CSGALNACT1: variants seen among roughly 807,000 people sequenced by gnomAD.
CSGALNACT1 encodes the protein beta4GalNAcT-1.
Under a neutral mutation model 51.0 loss-of-function variants are expected in CSGALNACT1, and 52 were observed. The observed-to-expected ratio is 1.02, with a 90% CI of 0.82 to 1.29. The LOEUF (loss-of-function observed/expected upper bound fraction) is 1.29, where lower values mean the gene tolerates loss of function less well. Among genes scored for constraint, CSGALNACT1 ranks in the 50% most tolerant of loss-of-function variants. CSGALNACT1 has a pLI of 0.00. For synonymous variants in CSGALNACT1, 341 were observed against 254.4 expected, an observed-to-expected ratio of 1.34 and a Z score of -3.24; for missense variants, 935 against 679.2, an observed-to-expected ratio of 1.38 and a Z score of -4.19.
intron 1 of CSGALNACT1, among the ~76,000 whole-genome samples, chr8:19,679,907 C>A (rs1316976083): frequency 6.6e-6 from 1 of 152,148 alleles, no homozygotes; most frequent in African/African-American, 2.4e-5. Flanking sequence ...AATTCATAGA[C>A]CTTCTGAGCT....
chr8:19,459,370 G>A lies in CSGALNACT1; in HGVS notation c.635-728C>T, dbSNP rs528528155. Among the ~76,000 whole-genome samples the A allele has an allele frequency of 1.2e-4, 14 of 113,040 alleles. No homozygotes were observed. In the East Asian group the frequency reaches 3.4e-3, roughly 28 times the overall value. The allele number at this position is 113,040 out of a possible 152,430, so 74.2% of individuals were successfully genotyped here. ...TTCACTCCAGTATGGGCAACAGAGC[G>A]AAACTTTATCTCAAAAAAAAAAAAA... is the stretch of plus-strand genomic sequence containing the variant. On this transcript the variant is annotated intron_variant, in intron 4 of 9. Coordinates refer to ENST00000454498, the Ensembl canonical transcript of CSGALNACT1.
intron 8 of CSGALNACT1, among the ~76,000 whole-genome samples, chr8:19,415,495 T>G (rs186369747): frequency 6.6e-6 from 1 of 152,328 alleles, no homozygotes; most frequent in East Asian, 1.9e-4. Flanking sequence ...TCACAGCCTG[T>G]GGCAACAATG....
rs1256070787 is a variant in CSGALNACT1 at position 19,533,143 on chromosome 8, G to T, written c.-296-27013C>A. ...TTTGTTTTTGTTTTTGAGAGACAAG[G>T]TCTCCCTCTGTCACCCAGGCTGGAG... On this transcript the variant is annotated intron_variant, in intron 3 of 9. Transcript: ENST00000454498. Among the ~76,000 whole-genome samples, 6 of 152,026 alleles carry T rather than the reference G, an allele frequency of 3.9e-5. No homozygotes were observed. The South Asian group carries it at 1.0e-3, about 26-fold the overall frequency.
chr8:19,405,091 G>C (rs1261457803), exon 10 of CSGALNACT1: 1 of 453,736 alleles, frequency 2.2e-6, no homozygotes, highest in Non-Finnish European at 4.4e-6. Flanking sequence ...GTGCTCTCTT[G>C]TAAGGCTTGC....
intron 2 of CSGALNACT1, among the ~76,000 whole-genome samples, chr8:19,599,462 G>GAA (rs1564210083): frequency 9.8e-4 from 90 of 92,288 alleles, no homozygotes; most frequent in Middle Eastern, 5.3e-3. Flanking sequence ...AGAAAAGAAA[G>GAA]AAAGAAAGAA....
intron 5 of CSGALNACT1, among the ~76,000 whole-genome samples, chr8:19,447,348 C>T (rs185817272): frequency 5.3e-5 from 8 of 152,242 alleles, no homozygotes; most frequent in African/African-American, 1.7e-4. Context: ...AAACTCCAAA[C>T]GTAAATAGGC....
At chr8:19,628,687 G>A (rs2054790438) in intron 1 of CSGALNACT1, among the ~76,000 whole-genome samples, 1 of 151,472 alleles carries the variant, frequency 6.6e-6, no homozygotes, top group Admixed American at 6.6e-5. Context: ...TCGCCATGCT[G>A]CCCAGGCTAG....
intron 4 of CSGALNACT1, among the ~76,000 whole-genome samples, chr8:19,490,251 G>A (rs1331051296): frequency 1.3e-5 from 2 of 152,326 alleles, no homozygotes; most frequent in Middle Eastern, 3.4e-3. Flanking sequence ...GGCTGCACAC[G>A]AGAAGCTGCT....
chr8:19,619,460 T>C (rs2053537412), intron 1 of CSGALNACT1, among the ~76,000 whole-genome samples: 1 of 152,016 alleles, frequency 6.6e-6, no homozygotes, highest in South Asian at 2.1e-4. Flanking sequence ...GACATAGTTT[T>C]AAATGCTCAT....
At chr8:19,593,710 G>A (rs1014205901) in intron 2 of CSGALNACT1, among the ~76,000 whole-genome samples, 5 of 152,220 alleles carry the variant, frequency 3.3e-5, no homozygotes, top group African/African-American at 1.2e-4. Flanking sequence ...AAAGATCCTT[G>A]AGGTTAAAGG....
intron 1 of CSGALNACT1, among the ~76,000 whole-genome samples, chr8:19,736,928 T>TA (rs56660422): frequency 0.086 from 8,891 of 103,454 alleles, 337 homozygotes; most frequent in Middle Eastern, 0.2. Flanking sequence ...CTGAACAGGA[T>TA]AAAAAAAAAA....
chr8:19,514,685 T>G (rs1171718579), intron 3 of CSGALNACT1, among the ~76,000 whole-genome samples: 1 of 147,272 alleles, frequency 6.8e-6, no homozygotes, highest in Non-Finnish European at 1.5e-5. Flanking sequence ...AGAAGAGAAT[T>G]AGCCTGGCAT....
intron 1 of CSGALNACT1, among the ~76,000 whole-genome samples, chr8:19,616,039 A>C (rs750516344): frequency 2.6e-5 from 4 of 152,246 alleles, no homozygotes; most frequent in Non-Finnish European, 5.9e-5. Context: ...CTGTGGATAT[A>C]CAAGATTGAA....
At chr8:19,440,001 T>C in intron 5 of CSGALNACT1, 70 bp from the exon 5 acceptor site, 1 of 1,314,412 alleles carries the variant, frequency 7.6e-7, no homozygotes, top group Non-Finnish European at 1.1e-6. Context: ...AACCAATACC[T>C]TTTTGTAAAG....
At chr8:19,709,392 T>A (rs1445721041) in intron 1 of CSGALNACT1, among the ~76,000 whole-genome samples, 1 of 152,182 alleles carries the variant, frequency 6.6e-6, no homozygotes, top group African/African-American at 2.4e-5. Flanking sequence ...GAAGAGACAA[T>A]AGAAAGCAAA....
At chr8:19,495,619 A>G (rs2153973742) in intron 4 of CSGALNACT1, among the ~76,000 whole-genome samples, 1 of 152,326 alleles carries the variant, frequency 6.6e-6, no homozygotes, top group East Asian at 1.9e-4. Flanking sequence ...TTAGGGCACA[A>G]GCTCCAGATG....
At chr8:19,591,133 G>C (rs1203856085) in intron 3 of CSGALNACT1, 1 of 152,192 alleles carries the variant, frequency 6.6e-6, no homozygotes, top group African/African-American at 2.4e-5. Context: ...CTGATATTTA[G>C]AAGAAGAGAT....
chr8:19,685,589 G>T (rs1246172148), upstream of CSGALNACT1, among the ~76,000 whole-genome samples: 1 of 152,190 alleles, frequency 6.6e-6, no homozygotes, highest in Non-Finnish European at 1.5e-5. Flanking sequence ...TCTTTAAAAG[G>T]AACGGTTTCA....
At chr8:19,548,373 T>A (rs1053567610) in intron 3 of CSGALNACT1, among the ~76,000 whole-genome samples, 1 of 152,184 alleles carries the variant, frequency 6.6e-6, no homozygotes, top group African/African-American at 2.4e-5. Flanking sequence ...CAACCATGAC[T>A]CTAAACTCAT....
Sources: allele counts gnomAD v4.1 joint callset (sites outside exome capture counted in the v4.1 genomes callset), GRCh38; gene constraint gnomAD v4.1.1; transcripts MANE v1.5; gene names NCBI Gene and HGNC (gene_info 2026-07-23, HGNC 2026-07-21).